LRRK1: variants seen among roughly 807,000 people sequenced by gnomAD.
LRRK1 encodes leucine-rich repeat serine/threonine-protein kinase 1.
Under a neutral mutation model 209.1 loss-of-function variants are expected in LRRK1, and 113 were observed. The ratio of observed to expected loss-of-function variants is 0.54; its 90% CI spans 0.46 to 0.63. LRRK1 has a LOEUF of 0.63. Ranked by LOEUF, LRRK1 falls within the 30% of genes least tolerant of loss-of-function variation. The pLI is 0.00. For synonymous variants in LRRK1, 1,144 were observed against 1,099.7 expected, an observed-to-expected ratio of 1.04 and a Z score of -0.80; for missense variants, 2,284 against 2,632.2, an observed-to-expected ratio of 0.87 and a Z score of 2.89.
chr15:100,961,131 T>TG (rs1382159065), intron 2 of LRRK1, among the ~76,000 whole-genome samples: 2 of 152,056 alleles, frequency 1.3e-5, no homozygotes, highest in Non-Finnish European at 2.9e-5. Flanking sequence ...TTCTTGCTGG[T>TG]GGGGACTGGC....
intron 29 of LRRK1, among the ~76,000 whole-genome samples, chr15:101,059,510 T>C (rs1425582607): frequency 1.3e-5 from 2 of 152,150 alleles, no homozygotes; most frequent in African/African-American, 2.4e-5. Context: ...GTTTCAGTAA[T>C]TATATTGTTG....
At chr15:101,059,628 T>G (rs1250259148) in intron 29 of LRRK1, among the ~76,000 whole-genome samples, 1 of 152,040 alleles carries the variant, frequency 6.6e-6, no homozygotes, top group Non-Finnish European at 1.5e-5. Flanking sequence ...GGGAAAGAGA[T>G]GTAAAGTCGG....
At chr15:100,997,529 C>T (rs551993630) in intron 6 of LRRK1, among the ~76,000 whole-genome samples, 3 of 152,290 alleles carry the variant, frequency 2.0e-5, no homozygotes, top group African/African-American at 7.2e-5. Context: ...TGGAAACATA[C>T]ACAACATCAC....
intron 3 of LRRK1, among the ~76,000 whole-genome samples, chr15:100,978,448 A>G (rs2031418849): frequency 6.6e-6 from 1 of 152,244 alleles, no homozygotes; most frequent in African/African-American, 2.4e-5. Flanking sequence ...CATCATAGTC[A>G]AGCTTATTAA....
At chr15:101,049,087 C>T (rs868340151) in intron 22 of LRRK1, among the ~76,000 whole-genome samples, 16 of 152,220 alleles carry the variant, frequency 1.1e-4, no homozygotes, top group Non-Finnish European at 1.0e-4. Context: ...TAACCAGACA[C>T]GGAACTCAGC....
At position 101,068,718 on chromosome 15, in the gene LRRK1, C is replaced by T. The variant is rs752623884; in HGVS notation, c.5918C>T (p.Thr1973Ile). 1.2e-6 allele frequency: 2 copies of T among 1,613,034 alleles called. No individual in the cohort carries two copies. The highest frequency in any genetic ancestry group is 1.7e-6 in the Non-Finnish European group (2 of 1,179,396). Residue 1973 changes from threonine (T) to isoleucine (I), a missense_variant, in exon 34 of 34, where the codon ACC becomes ATC. Physicochemically the swap from Thr to Ile is moderately conservative, Grantham distance 89. Coordinates refer to ENST00000388948, the MANE Select transcript of LRRK1 (RefSeq NM_024652.6). The part of the protein sequence containing the change: ...AVVAKDTVVC[T>I]FENENTEWCL... ...GTGGCAAAGGACACTGTTGTGTGCA[C>T]CTTTGAAAATGAAAACACAGAGTGG...
Position 101,078,240 on chromosome 15 carries a change from C to G in LRRK1, c.*9392C>G, listed in dbSNP as rs1397386206. On this transcript the variant is annotated 3_prime_UTR_variant, in exon 34 of 34. Coordinates refer to ENST00000388948, the MANE Select transcript of LRRK1 (RefSeq NM_024652.6). ...GCCTGCACCCAGGTGAAATAAACAGCTTTATTGCTCACACAAAGCCTGTTT... is the reference window on the plus strand; with the variant it reads ...GCCTGCACCCAGGTGAAATAAACAGGTTTATTGCTCACACAAAGCCTGTTT... 1 of 152,284 alleles carries G rather than the reference C, an allele frequency of 6.6e-6. No individual in the cohort carries two copies. The highest frequency in any genetic ancestry group is 1.5e-5 in the Non-Finnish European group (1 of 68,088). 9.4% of individuals were successfully genotyped at this position (152,284 alleles called of 1,614,324 possible). A position where few individuals can be genotyped will look rare whatever the true frequency, so the allele number is the denominator to read the frequency against.
chr15:100,981,946 C>A (rs969279383), intron 3 of LRRK1, among the ~76,000 whole-genome samples: 4 of 152,216 alleles, frequency 2.6e-5, no homozygotes, highest in African/African-American at 7.2e-5. Flanking sequence ...ATGCATATTC[C>A]CACCTCAAAC....
intron 19 of LRRK1, 113 bp from the exon 20 acceptor site, chr15:101,028,843 G>T: frequency 2.6e-6 from 3 of 1,172,934 alleles, no homozygotes; most frequent in African/African-American, 1.5e-5. Flanking sequence ...GGACATGTTG[G>T]TTTCTTCTCA....
intron 2 of LRRK1, among the ~76,000 whole-genome samples, chr15:100,961,495 A>C (rs1271471250): frequency 1.3e-5 from 2 of 152,120 alleles, no homozygotes; most frequent in East Asian, 3.8e-4. Context: ...TCTACTAAAA[A>C]TACAAAAATT....
intron 2 of LRRK1, among the ~76,000 whole-genome samples, chr15:100,970,570 G>C (rs2030799223): frequency 6.6e-6 from 1 of 152,108 alleles, no homozygotes; most frequent in African/African-American, 2.4e-5. Context: ...AAGGATAATG[G>C]CTTCCAACTC....
rs139348978 is a variant in LRRK1 at position 100,990,659 on chromosome 15, G to GTTAA, written c.762+1263_762+1266dup. Among the ~76,000 whole-genome samples the GTTAA allele has an allele frequency of 9.2e-4, 136 of 148,446 alleles. 2 individuals are homozygous for GTTAA. In the East Asian group the frequency reaches 0.02, roughly 21 times the overall value. ...TGCATTCCCTTTATGTGAACTGCCT[G>GTTAA]TTAATGTTTGTTGATTATTTTTTCT... On this transcript the variant is annotated intron_variant, in intron 6 of 33. Coordinates refer to ENST00000388948, the MANE Select transcript of LRRK1 (RefSeq NM_024652.6).
chr15:101,044,418 A>G (rs1244152878), intron 20 of LRRK1, among the ~76,000 whole-genome samples: 3 of 152,330 alleles, frequency 2.0e-5, no homozygotes, highest in African/African-American at 7.2e-5. Context: ...CATCAAACAC[A>G]TGAAGAATTT....
At chr15:101,035,831 G>T (rs1331370238) in intron 20 of LRRK1, among the ~76,000 whole-genome samples, 6 of 152,022 alleles carry the variant, frequency 3.9e-5, no homozygotes, top group Admixed American at 3.3e-4. Context: ...CTTTACCAGT[G>T]ATTTTTATAC....
rs571989724 is a variant in LRRK1 at position 101,021,825 on chromosome 15, G to C, written c.1740-20G>C. 6.7e-7 allele frequency: 1 copy of C among 1,485,834 alleles called. No homozygotes were observed. The highest frequency in any genetic ancestry group is 9.4e-7 in the Non-Finnish European group (1 of 1,065,966). 92.0% of individuals were successfully genotyped at this position (1,485,834 alleles called of 1,614,324 possible). A position where few individuals can be genotyped will look rare whatever the true frequency, so the allele number is the denominator to read the frequency against. On this transcript the variant is annotated intron_variant, in intron 13 of 33. Transcript: ENST00000388948. Reference sequence around the variant, plus strand: ...GTGTGTGTGTGTGTATTCTCTCGTGGTGGACACATCTGTCTTCAGCAACCC... The same window carrying C: ...GTGTGTGTGTGTGTATTCTCTCGTGCTGGACACATCTGTCTTCAGCAACCC...
In LRRK1 at chr15:101,068,985, G is replaced by C; in HGVS notation, c.*137G>C. ...CCCCTGAACTCCTTGCTGCTAAGAA[G>C]TGCTGAGAAGTTACTCGCCTGGCGG... On this transcript the variant is annotated 3_prime_UTR_variant, in exon 34 of 34. Transcript: ENST00000388948. 1 of 834,176 alleles carries C rather than the reference G, an allele frequency of 1.2e-6. No homozygotes were observed. 51.7% of individuals were successfully genotyped at this position (834,176 alleles called of 1,614,324 possible). A position where few individuals can be genotyped will look rare whatever the true frequency, so the allele number is the denominator to read the frequency against.
At position 101,022,244 on chromosome 15, in the gene LRRK1, C is replaced by A; in HGVS notation, c.1853-139C>A. ...TAGGGTGGTTAGTGTCATGCCTTCC[C>A]TCCCCCTGATCCAGTAGTCTTCCTT... On this transcript the variant is annotated intron_variant, in intron 14 of 33. Coordinates refer to ENST00000388948, the MANE Select transcript of LRRK1 (RefSeq NM_024652.6). This position sits in a 1 kb window ranked among gnomAD's most constrained non-coding sequence, Gnocchi z 4.0. 1.2e-6 allele frequency: 1 copy of A among 849,794 alleles called. No individual in the cohort carries two copies. The highest frequency in any genetic ancestry group is 1.9e-6 in the Non-Finnish European group (1 of 536,546). 52.6% of individuals were successfully genotyped at this position (849,794 alleles called of 1,614,324 possible).
rs1277844375 is a variant in LRRK1 at position 100,933,012 on chromosome 15, G to GCCTCCCA, written c.97+8286_97+8292dup. On this transcript the variant is annotated intron_variant, in intron 2 of 33. Coordinates refer to ENST00000388948, the MANE Select transcript of LRRK1 (RefSeq NM_024652.6). ...TCCCTGCTACCTCCATCGGCCTCCC[G>GCCTCCCA]CCTCCCACCCAGGACTCTTACTTTG... Among the ~76,000 whole-genome samples the GCCTCCCA allele has an allele frequency of 2.6e-5, 4 of 152,176 alleles. No homozygotes were observed. The South Asian group carries it at 8.3e-4, about 32-fold the overall frequency.
chr15:101,015,182 A>G (rs961272281), intron 11 of LRRK1, 144 bp from the exon 12 acceptor site: 4 of 625,514 alleles, frequency 6.4e-6, no homozygotes, highest in Non-Finnish European at 1.1e-5. Flanking sequence ...GGCAGCCGCC[A>G]CTGCAGCGTG....
Sources: allele counts gnomAD v4.1 joint callset (sites outside exome capture counted in the v4.1 genomes callset), GRCh38; gene constraint gnomAD v4.1.1; non-coding constraint Gnocchi (gnomAD v3.1); transcripts MANE v1.5; gene names NCBI Gene and HGNC (gene_info 2026-07-23, HGNC 2026-07-21).